The following SGPP1 variants were observed in gnomAD, a reference collection of about 807,000 sequenced individuals.
SGPP1 encodes sphingosine-1-phosphate phosphatase 1, also known as hSPP1.
A neutral mutation model predicts 33.0 loss-of-function variants in SGPP1; 21 were observed. The observed-to-expected ratio is 0.64, with a 90% CI of 0.45 to 0.92. The LOEUF (loss-of-function observed/expected upper bound fraction) is 0.92, where lower values mean the gene tolerates loss of function less well. Ranked by LOEUF, SGPP1 falls within the 40% of genes least tolerant of loss-of-function variation. The probability of loss-of-function intolerance (pLI) is 0.00; values close to 1 mark genes in which losing one functional copy is unlikely to be tolerated. For synonymous variants in SGPP1, 239 were observed against 241.2 expected (o/e 0.99, Z 0.08); for missense variants, 543 against 589.4 (o/e 0.92, Z 0.81).
intron 1 of SGPP1, among the ~76,000 whole-genome samples, chr14:63,716,390 A>C (rs532585098): frequency 3.2e-4 from 49 of 152,230 alleles, no homozygotes; most frequent in African/African-American, 1.2e-3. Flanking sequence ...GGTACTTGGG[A>C]GGCTGAGGCA....
chr14:63,713,348 C>A (rs1383678224), intron 1 of SGPP1, among the ~76,000 whole-genome samples: 1 of 152,102 alleles, frequency 6.6e-6, no homozygotes, highest in Non-Finnish European at 1.5e-5. Flanking sequence ...AATTAGTCAC[C>A]ATGTTTTGTC....
At chr14:63,701,603 T>TG (rs1251887941) in intron 1 of SGPP1, among the ~76,000 whole-genome samples, 1 of 151,964 alleles carries the variant, frequency 6.6e-6, no homozygotes, top group Non-Finnish European at 1.5e-5. Context: ...AGGCTAGCTG[T>TG]GGCCATAGCA....
At chr14:63,698,938 T>G (rs540428199) in intron 1 of SGPP1, among the ~76,000 whole-genome samples, 38 of 152,306 alleles carry the variant, frequency 2.5e-4, no homozygotes, top group African/African-American at 9.1e-4. Context: ...ATTCAATCAC[T>G]GGCATGGTAT....
At chr14:63,726,157 C>G (rs1214825378) in intron 1 of SGPP1, among the ~76,000 whole-genome samples, 1 of 152,128 alleles carries the variant, frequency 6.6e-6, no homozygotes, top group Admixed American at 6.6e-5. Context: ...TTTATCTACA[C>G]TGAAATTTAA....
rs2139645708 is a variant in SGPP1, at chr14:63,709,389, A to C, written c.685-10731T>G. 3.9e-5 allele frequency among the ~76,000 whole-genome samples: 6 copies of C among 152,178 alleles called. 1 individual carries two copies. Among genetic ancestry groups the C allele is most frequent in the African/African-American group, 1.4e-4 (6 of 41,538 alleles). The stretch of plus-strand genomic sequence containing the variant: ...GTCTCTGTCTCAAAAAAAAAAAAAA[A>C]ACCATTAATTCTATCCCTCTCTCTT... On this transcript the variant is annotated intron_variant, in intron 1 of 2. Coordinates refer to ENST00000247225, the MANE Select transcript of SGPP1 (RefSeq NM_030791.4).
intron 1 of SGPP1, among the ~76,000 whole-genome samples, chr14:63,701,948 T>TAAAAAA (rs1251022184): frequency 9.3e-6 from 1 of 107,412 alleles, no homozygotes; most frequent in Non-Finnish European, 2.0e-5. Flanking sequence ...CCAAAAGAAG[T>TAAAAAA]AAAAAAAAAA....
chr14:63,703,844 G>T (rs1415195369), intron 1 of SGPP1, among the ~76,000 whole-genome samples: 1 of 145,330 alleles, frequency 6.9e-6, no homozygotes, highest in Non-Finnish European at 1.5e-5. Flanking sequence ...GGGGAGTGGG[G>T]TCTCGCTTTA....
chr14:63,686,576 G>C lies in SGPP1; in HGVS notation c.855C>G (p.Asn285Lys), dbSNP rs751978596. 6.2e-7 allele frequency: 1 copy of C among 1,613,912 alleles called. No homozygotes were observed. Among genetic ancestry groups the C allele is most frequent in the South Asian group, 1.1e-5 (1 of 91,074 alleles). ...YPFVDLIDNFNQTHKYAPFII... is the reference protein window; with the variant it reads ...YPFVDLIDNFKQTHKYAPFII... ...TGAATGGAGCATATTTGTGAGTTTG[G>C]TTGAAGTTGTCAATCAGGTCCACAA... The change falls in exon 3 of 3, where the codon AAC becomes AAG. Residue 285 changes from asparagine (N) to lysine (K), a missense_variant. Transcript: ENST00000247225.
intron 1 of SGPP1, among the ~76,000 whole-genome samples, chr14:63,712,013 G>C (rs186011119): frequency 2.2e-5 from 3 of 138,126 alleles, no homozygotes; most frequent in African/African-American, 8.2e-5. Flanking sequence ...CTGGGCAACA[G>C]AGCAAGACTC....
At chr14:63,724,892 A>T (rs1001705721) in intron 1 of SGPP1, among the ~76,000 whole-genome samples, 2 of 150,312 alleles carry the variant, frequency 1.3e-5, no homozygotes, top group African/African-American at 4.9e-5. Context: ...AAAAAAAAAA[A>T]AGGAAAAGCT....
chr14:63,716,744 A>G (rs948608119), intron 1 of SGPP1, among the ~76,000 whole-genome samples: 1 of 151,266 alleles, frequency 6.6e-6, no homozygotes, highest in African/African-American at 2.4e-5. Flanking sequence ...CCCAGGCTGG[A>G]GTGCAGTGGC....
intron 1 of SGPP1, among the ~76,000 whole-genome samples, chr14:63,702,629 G>A (rs2139639425): frequency 6.6e-6 from 1 of 152,234 alleles, no homozygotes; most frequent in East Asian, 1.9e-4. Flanking sequence ...AGAATCGCTT[G>A]AACCTGGGAG....
intron 1 of SGPP1, among the ~76,000 whole-genome samples, chr14:63,714,886 C>T (rs1022414619): frequency 5.3e-5 from 8 of 151,916 alleles, no homozygotes; most frequent in Middle Eastern, 3.4e-3. Flanking sequence ...CACCACCACG[C>T]CTGGCTAACT....
At chr14:63,717,894 C>T (rs1000655796) in intron 1 of SGPP1, among the ~76,000 whole-genome samples, 4 of 152,020 alleles carry the variant, frequency 2.6e-5, no homozygotes, top group African/African-American at 9.7e-5. Flanking sequence ...AGAATTTCAG[C>T]AGATATTTTG....
intron 1 of SGPP1, among the ~76,000 whole-genome samples, chr14:63,703,513 C>T (rs1280499600): frequency 5.3e-5 from 8 of 151,796 alleles, no homozygotes; most frequent in Admixed American, 1.3e-4. Flanking sequence ...ATTAGCTGGG[C>T]GTGGTGGCGC....
At chr14:63,687,125 G>T (rs749819695) in intron 2 of SGPP1, among the ~76,000 whole-genome samples, 3 of 152,142 alleles carry the variant, frequency 2.0e-5, no homozygotes, top group Non-Finnish European at 4.4e-5. Context: ...TTTAGGGGTT[G>T]AGGATACATT....
At chr14:63,697,131 A>C (rs112480086) in intron 2 of SGPP1, among the ~76,000 whole-genome samples, 10,871 of 152,216 alleles carry the variant, frequency 0.071, 524 homozygotes, top group Non-Finnish European at 0.1. Flanking sequence ...GCATCACACA[A>C]TATACCTTTG....
chr14:63,697,288 G>A (rs758639046), intron 2 of SGPP1, among the ~76,000 whole-genome samples: 5 of 152,090 alleles, frequency 3.3e-5, no homozygotes, highest in Admixed American at 6.6e-5. Flanking sequence ...ATCTGTGAAG[G>A]AGCAGGTGCT....
chr14:63,721,516 C>T (rs1173206330), intron 1 of SGPP1, among the ~76,000 whole-genome samples: 1 of 151,920 alleles, frequency 6.6e-6, no homozygotes, highest in East Asian at 1.9e-4. Flanking sequence ...ACACAAGTAT[C>T]GTGCTCCATA....
Sources: gnomAD v4.1 joint callset for allele counts (sites outside exome capture counted in the v4.1 genomes callset) on GRCh38, gnomAD v4.1.1 for gene constraint, MANE v1.5 for transcripts, NCBI Gene and HGNC (gene_info 2026-07-23, HGNC 2026-07-21) for gene names.